Variants in FLNB observed in about 807,000 individuals in gnomAD.
The protein encoded by FLNB is filamin-B.
A neutral mutation model predicts 250.6 loss-of-function variants in FLNB; 111 were observed. The observed-to-expected ratio is 0.44, with a 90% CI of 0.38 to 0.52. FLNB has a LOEUF of 0.52. Ranked by LOEUF, FLNB falls within the 20% of genes least tolerant of loss-of-function variation. The pLI, the probability that FLNB is intolerant of heterozygous loss-of-function variation, is 0.00. For missense variants in FLNB, 2,869 were observed against 3,447.8 expected (o/e 0.83, Z 4.20); for synonymous variants, 1,302 against 1,372.1 (o/e 0.95, Z 1.13).
chr3:58,134,223 G>A (rs1033126581), intron 26 of FLNB, among the ~76,000 whole-genome samples: 2 of 152,134 alleles, frequency 1.3e-5, no homozygotes, highest in Non-Finnish European at 2.9e-5. Flanking sequence ...ATAGGAGTGC[G>A]AACCCTATTG....
intron 1 of FLNB, among the ~76,000 whole-genome samples, chr3:58,012,623 A>G (rs1205776215): frequency 6.6e-6 from 1 of 152,192 alleles, no homozygotes; most frequent in Non-Finnish European, 1.5e-5. Context: ...GCCTTCCATG[A>G]TTGGCAGGAT....
chr3:58,122,991 G>A (rs756022443), intron 20 of FLNB, 102 bp from the exon 21 acceptor site: 3 of 1,073,660 alleles, frequency 2.8e-6, no homozygotes, highest in Non-Finnish European at 2.9e-6. Flanking sequence ...GGGCTGCCTG[G>A]CTCAGATGCA....
rs1433525694 is a variant in FLNB at position 58,163,220 on chromosome 3, G to A, written c.7088G>A (p.Gly2363Glu). The A allele has an allele frequency of 6.2e-7, 1 of 1,614,168 alleles. No individual in the cohort carries two copies. The highest frequency in any genetic ancestry group is 1.1e-5 in the South Asian group (1 of 91,082). The change falls in exon 43 of 46, where the codon GGG becomes GAG. Residue 2363 changes from glycine to glutamate, a missense_variant. Physicochemically the swap from Gly to Glu is moderately conservative, Grantham distance 98. Transcript: ENST00000295956. ...GVHTIDVKFN[G>E]SHVVGSPFKV... Reference sequence around the variant, plus strand: ...CACACCATCGATGTCAAGTTCAATGGGAGCCACGTGGTTGGAAGCCCCTTC... The same window carrying A: ...CACACCATCGATGTCAAGTTCAATGAGAGCCACGTGGTTGGAAGCCCCTTC...
chr3:58,128,628 G>C (rs1559715005), intron 24 of FLNB, among the ~76,000 whole-genome samples: 1 of 152,278 alleles, frequency 6.6e-6, no homozygotes, highest in Non-Finnish European at 1.5e-5. Context: ...ACGGGTAGAA[G>C]GCTGCTCCCA....
intron 1 of FLNB, among the ~76,000 whole-genome samples, chr3:58,021,637 C>T (rs2097114200): frequency 6.6e-6 from 1 of 152,212 alleles, no homozygotes; most frequent in Admixed American, 6.5e-5. Context: ...TGTCACATTA[C>T]ACTTCCTGCA....
At chr3:58,048,008 C>A (rs990778118) in intron 1 of FLNB, among the ~76,000 whole-genome samples, 3 of 152,154 alleles carry the variant, frequency 2.0e-5, no homozygotes, top group Non-Finnish European at 4.4e-5. Context: ...TTCTTCTAAC[C>A]ACAGCGTCAC....
chr3:58,044,873 C>T (rs2097151366), intron 1 of FLNB, among the ~76,000 whole-genome samples: 1 of 152,186 alleles, frequency 6.6e-6, no homozygotes, highest in African/African-American at 2.4e-5. Flanking sequence ...AGGCCCAAGT[C>T]AGCATGACTC....
intron 18 of FLNB, among the ~76,000 whole-genome samples, chr3:58,117,911 C>G (rs1049528370): frequency 1.3e-5 from 2 of 152,080 alleles, no homozygotes; most frequent in East Asian, 3.9e-4. Flanking sequence ...TTCAGCAGGG[C>G]CTGCATTCCA....
At chr3:58,103,044 C>G (rs1576721748) in intron 9 of FLNB, among the ~76,000 whole-genome samples, 1 of 152,286 alleles carries the variant, frequency 6.6e-6, no homozygotes, top group South Asian at 2.1e-4. Context: ...CCTGTGGAAT[C>G]TTGAGCTTCC....
intron 19 of FLNB, among the ~76,000 whole-genome samples, chr3:58,119,439 A>G (rs114463167): frequency 0.027 from 4,160 of 152,304 alleles, 190 homozygotes; most frequent in African/African-American, 0.095. Flanking sequence ...ATAAATGCCA[A>G]ATCCCTGGCA....
chr3:58,101,677 C>G (rs930910140), intron 8 of FLNB, among the ~76,000 whole-genome samples: 6 of 152,212 alleles, frequency 3.9e-5, no homozygotes, highest in Non-Finnish European at 5.9e-5. Context: ...CTGAACTGGT[C>G]TCTTTCCAAG....
At chr3:58,033,362 C>T (rs1437989241) in intron 1 of FLNB, among the ~76,000 whole-genome samples, 2 of 151,190 alleles carry the variant, frequency 1.3e-5, no homozygotes, top group African/African-American at 4.9e-5. Context: ...ATCTTTTAGC[C>T]TTTTATATAA....
At chr3:58,101,480 G>GT (rs1209841828) in intron 8 of FLNB, among the ~76,000 whole-genome samples, 2 of 152,224 alleles carry the variant, frequency 1.3e-5, no homozygotes, top group African/African-American at 2.4e-5. Context: ...GACATTTCAA[G>GT]TAAGGCATAT....
intron 1 of FLNB, among the ~76,000 whole-genome samples, chr3:58,056,864 C>T (rs2097171398): frequency 6.6e-6 from 1 of 152,242 alleles, no homozygotes; most frequent in Non-Finnish European, 1.5e-5. Context: ...GCTGGGATTA[C>T]AGGCGTGAGC....
At chr3:58,010,466 A>G (rs1576579040) in intron 1 of FLNB, among the ~76,000 whole-genome samples, 1 of 151,790 alleles carries the variant, frequency 6.6e-6, no homozygotes, top group South Asian at 2.1e-4. Flanking sequence ...CCCCTCCCCA[A>G]GGGTGGCTTC....
At chr3:58,010,108 A>ATG (rs371671340) in intron 1 of FLNB, among the ~76,000 whole-genome samples, 23 of 114,218 alleles carry the variant, frequency 2.0e-4, no homozygotes, top group Middle Eastern at 5.2e-3. Context: ...GGGTGTGTGT[A>ATG]TGTGTGTGTG....
At chr3:58,021,764 A>G (rs1190068761) in intron 1 of FLNB, among the ~76,000 whole-genome samples, 1 of 148,686 alleles carries the variant, frequency 6.7e-6, no homozygotes. Context: ...GGCACCCAAC[A>G]CCTTGTTTTT....
rs2097094036 is a variant in FLNB, at chr3:58,008,844, C to G, written c.280C>G (p.Leu94Val). The change falls in exon 1 of 46, where the codon CTC (leucine) becomes GTC (valine). Residue 94 changes from leucine to valine, a missense_variant. This residue lies in a region of FLNB where 308 missense variants were observed against 466.1 expected (regional missense o/e 0.66). Coordinates refer to ENST00000295956, the MANE Select transcript of FLNB (RefSeq NM_001457.4). ...GTTCCTGGACCGTGAGAGCATCAAG[C>G]TCGTGTCCATCGGTGAGTTCTCTGG... is the stretch of plus-strand genomic sequence containing the variant. ...LEFLDRESIK[L>V]VSIDSKAIVD... The G allele has an allele frequency of 6.2e-7, 1 of 1,613,790 alleles. No homozygotes were observed. Among genetic ancestry groups the G allele is most frequent in the African/African-American group, 1.3e-5 (1 of 75,058 alleles).
intron 8 of FLNB, among the ~76,000 whole-genome samples, chr3:58,101,591 C>T (rs1469026805): frequency 3.9e-5 from 6 of 152,184 alleles, no homozygotes; most frequent in African/African-American, 1.4e-4. Flanking sequence ...TAATTATTGC[C>T]TTTATAGCCA....
Sources: gnomAD v4.1 joint callset for allele counts (sites outside exome capture counted in the v4.1 genomes callset) on GRCh38, gnomAD v4.1.1 for gene constraint, gnomAD v4.1.1 regional missense constraint, MANE v1.5 for transcripts, NCBI Gene and HGNC (gene_info 2026-07-23, HGNC 2026-07-21) for gene names.